The following SDCCAG8 variants were observed in gnomAD, a reference collection of about 807,000 sequenced individuals.
The protein encoded by SDCCAG8 is serologically defined colon cancer antigen 8.
Under a neutral mutation model 101.8 loss-of-function variants are expected in SDCCAG8, and 74 were observed. That is an observed-to-expected ratio of 0.73 (90% confidence interval 0.60 to 0.88). SDCCAG8 has a LOEUF of 0.88. Ranked by LOEUF, SDCCAG8 falls within the 40% of genes least tolerant of loss-of-function variation. SDCCAG8 has a pLI of 0.00. For missense variants in SDCCAG8, 787 were observed against 822.6 expected, an observed-to-expected ratio of 0.96 and a Z score of 0.53; for synonymous variants, 281 against 292.9, an observed-to-expected ratio of 0.96 and a Z score of 0.41.
chr1:243,472,699 C>CA (rs1661499177), intron 16 of SDCCAG8, among the ~76,000 whole-genome samples: 1 of 152,054 alleles, frequency 6.6e-6, no homozygotes, highest in African/African-American at 2.4e-5. Context: ...AAGGCTTCCT[C>CA]AAAAAAAGAA....
chr1:243,389,730 T>C (rs1419195185), intron 13 of SDCCAG8, among the ~76,000 whole-genome samples: 5 of 152,088 alleles, frequency 3.3e-5, no homozygotes, highest in Admixed American at 1.3e-4. Flanking sequence ...CCAGCAAGCC[T>C]AAGAAAAAAC....
At chr1:243,272,031 C>G (rs2068132245) in intron 3 of SDCCAG8, among the ~76,000 whole-genome samples, 1 of 152,148 alleles carries the variant, frequency 6.6e-6, no homozygotes, top group South Asian at 2.1e-4. Flanking sequence ...TGAAAGCACT[C>G]TGGACCAGAT....
rs1289667171 is a variant in SDCCAG8 at position 243,416,985 on chromosome 1, A to G, written c.1745-983A>G. ...TTTTCATATGATTTAATGTATTAAT[A>G]TATTGTATTTGATGACACAGTAAGA... On this transcript the variant is annotated intron_variant, in intron 14 of 17. Transcript: ENST00000366541. This position sits in a 1 kb window ranked among gnomAD's most constrained non-coding sequence, Gnocchi z 4.3. Among the ~76,000 whole-genome samples the G allele has an allele frequency of 6.6e-6, 1 of 152,238 alleles. No homozygotes were observed. Among genetic ancestry groups the G allele is most frequent in the Middle Eastern group, 3.2e-3 (1 of 316 alleles).
chr1:243,475,572 C>T (rs1351017080), intron 16 of SDCCAG8, among the ~76,000 whole-genome samples: 1 of 152,208 alleles, frequency 6.6e-6, no homozygotes, highest in African/African-American at 2.4e-5. Context: ...AGATCATCCT[C>T]AGAGATCCTC....
At chr1:243,354,178 A>G (rs931311755) in intron 12 of SDCCAG8, among the ~76,000 whole-genome samples, 1 of 152,214 alleles carries the variant, frequency 6.6e-6, no homozygotes, top group Admixed American at 6.5e-5. Context: ...AGTGGTAGCA[A>G]AAGTTTTCTC....
At chr1:243,277,908 C>T (rs1291644614) in intron 4 of SDCCAG8, among the ~76,000 whole-genome samples, 2 of 152,162 alleles carry the variant, frequency 1.3e-5, no homozygotes, top group East Asian at 1.9e-4. Context: ...TGTAGCTTTA[C>T]ATTAAGTCTT....
At position 243,286,300 on chromosome 1, in the gene SDCCAG8, T is replaced by C. The variant is rs1454024385; in HGVS notation, c.449T>C (p.Ile150Thr). The change falls in exon 5 of 18, where the codon ATA becomes ACA. Residue 150 changes from isoleucine (I) to threonine (T), a missense_variant. Ile to Thr is a moderately conservative substitution (Grantham distance 89). Transcript: ENST00000366541. ...GAACTCTCTGGAATGAAAAATAAAA[T>C]ACAAGTAGTTGTGCTTGAAAACGAA... ...KEELSGMKNK[I>T]QVVVLENEGL... 2 of 1,613,988 alleles carry C rather than the reference T, an allele frequency of 1.2e-6. No individual in the cohort carries two copies. The highest frequency in any genetic ancestry group is 4.5e-5 in the East Asian group (2 of 44,866).
intron 16 of SDCCAG8, among the ~76,000 whole-genome samples, chr1:243,454,233 A>G (rs1229354774): frequency 6.6e-6 from 1 of 152,172 alleles, no homozygotes; most frequent in Non-Finnish European, 1.5e-5. Context: ...TTAAAACATG[A>G]AAAAGATACT....
chr1:243,388,786 C>T (rs561289003), intron 13 of SDCCAG8, among the ~76,000 whole-genome samples: 5 of 150,932 alleles, frequency 3.3e-5, no homozygotes, highest in Admixed American at 1.3e-4. Context: ...CATGGTGGTG[C>T]GCGCCTGGGT....
intron 16 of SDCCAG8, among the ~76,000 whole-genome samples, chr1:243,473,214 AT>A (rs1473825668): frequency 6.6e-6 from 1 of 152,184 alleles, no homozygotes; most frequent in African/African-American, 2.4e-5. Context: ...CAGTCTTAGA[AT>A]TTCTTGAAAC....
intron 16 of SDCCAG8, among the ~76,000 whole-genome samples, chr1:243,472,143 C>A (rs1574244365): frequency 3.9e-5 from 6 of 152,184 alleles, no homozygotes; most frequent in Admixed American, 3.3e-4. Context: ...AGGGTCATGG[C>A]ACATGCAGTG....
intron 4 of SDCCAG8, among the ~76,000 whole-genome samples, chr1:243,280,099 TTA>T (rs1418929414): frequency 1.3e-5 from 2 of 152,210 alleles, no homozygotes; most frequent in Non-Finnish European, 1.5e-5. Context: ...TTTATTCAGA[TTA>T]TCTATTCCTC....
At chr1:243,351,289 A>G (rs774213619) in intron 12 of SDCCAG8, among the ~76,000 whole-genome samples, 1 of 152,294 alleles carries the variant, frequency 6.6e-6, no homozygotes, top group Non-Finnish European at 1.5e-5. Context: ...CCTGCTCCCT[A>G]CGAAGACAAC....
chr1:243,463,715 T>C (rs1480965444), intron 16 of SDCCAG8, among the ~76,000 whole-genome samples: 1 of 152,126 alleles, frequency 6.6e-6, no homozygotes, highest in African/African-American at 2.4e-5. Flanking sequence ...GGTTTTTGAG[T>C]TTTTAGTAAT....
At chr1:243,487,986 C>G (rs540943428) in intron 16 of SDCCAG8, 1 of 152,582 alleles carries the variant, frequency 6.6e-6, no homozygotes, top group African/African-American at 2.4e-5. Flanking sequence ...CCGGGGGAGC[C>G]GTGGGGAAAT....
chr1:243,328,092 CAG>C (rs1425993398), intron 9 of SDCCAG8, among the ~76,000 whole-genome samples: 1 of 151,854 alleles, frequency 6.6e-6, no homozygotes, highest in Non-Finnish European at 1.5e-5. Flanking sequence ...TTAGTAGAGA[CAG>C]AGTTTCACCG....
intron 12 of SDCCAG8, among the ~76,000 whole-genome samples, chr1:243,372,081 G>A (rs912516226): frequency 1.3e-5 from 2 of 151,884 alleles, no homozygotes; most frequent in African/African-American, 4.8e-5. Flanking sequence ...TACACACACC[G>A]AACTTTATAG....
intron 12 of SDCCAG8, among the ~76,000 whole-genome samples, chr1:243,368,030 A>C (rs1028434482): frequency 3.3e-5 from 5 of 151,776 alleles, no homozygotes; most frequent in Admixed American, 6.6e-5. Flanking sequence ...CCTGGGCAAC[A>C]TGACAAAACC....
At chr1:243,310,084 G>A (rs1447759564) in intron 8 of SDCCAG8, among the ~76,000 whole-genome samples, 1 of 151,904 alleles carries the variant, frequency 6.6e-6, no homozygotes, top group Non-Finnish European at 1.5e-5. Context: ...GGATGGTCTC[G>A]ATCTCTTGAC....
Sources: gnomAD v4.1 joint callset for allele counts (sites outside exome capture counted in the v4.1 genomes callset) on GRCh38, gnomAD v4.1.1 for gene constraint, Gnocchi (gnomAD v3.1) non-coding constraint, MANE v1.5 for transcripts, NCBI Gene and HGNC (gene_info 2026-07-23, HGNC 2026-07-21) for gene names.